ACACB: variants seen among roughly 807,000 people sequenced by gnomAD.
ACACB encodes acetyl-CoA carboxylase beta.
ACACB carries 209 observed loss-of-function variants against 278.8 expected under a neutral mutation model. That is an observed-to-expected ratio of 0.75 (90% CI 0.67 to 0.84). The LOEUF (loss-of-function observed/expected upper bound fraction) is 0.84, where lower values mean the gene tolerates loss of function less well. Ranked by LOEUF, ACACB falls within the 40% of genes least tolerant of loss-of-function variation. ACACB has a pLI of 0.00. For synonymous variants in ACACB, 1,174 were observed against 1,285.6 expected (o/e 0.91, Z 1.86); for missense variants, 2,850 against 3,269.0 (o/e 0.87, Z 3.13).
In ACACB at chr12:109,254,357, TAGGACC is replaced by T; in HGVS notation, c.6166+24_6166+29del. On this transcript the variant is annotated intron_variant, in intron 44 of 52. Transcript: ENST00000338432. ...CAAGTAAGTTCTAAAGTATTTTGCC[TAGGACC>T]TGGTCTCGGGTTTCTTTCTAGGGCT... 6 of 1,599,940 alleles carry T rather than the reference TAGGACC, an allele frequency of 3.8e-6. No homozygotes were observed. In the South Asian group the frequency reaches 6.7e-5, roughly 18 times the overall value.
chr12:109,244,760 C>T (rs2046894400), intron 37 of ACACB, among the ~76,000 whole-genome samples: 1 of 147,454 alleles, frequency 6.8e-6, no homozygotes, highest in Admixed American at 6.6e-5. Context: ...ACCCAGCTGT[C>T]TGTCTGTCTG....
Position 109,233,737 on chromosome 12 carries a change from C to G in ACACB, c.4140-11C>G. Reference sequence around the variant, plus strand: ...AGCCCCTCAGCCCTCCCTCTCTACCCGCACCCCCAGAAATTTTGATGAAGT... The same window carrying G: ...AGCCCCTCAGCCCTCCCTCTCTACCGGCACCCCCAGAAATTTTGATGAAGT... On this transcript the variant is annotated splice_polypyrimidine_tract_variant and intron_variant, in intron 29 of 52. Transcript: ENST00000338432. 1.9e-6 allele frequency: 3 copies of G among 1,612,662 alleles called. No individual in the cohort carries two copies. Among genetic ancestry groups the G allele is most frequent in the Non-Finnish European group, 2.5e-6 (3 of 1,179,076 alleles).
intron 2 of ACACB, among the ~76,000 whole-genome samples, chr12:109,162,514 G>T (rs2043760000): frequency 6.6e-6 from 1 of 152,136 alleles, no homozygotes; most frequent in Non-Finnish European, 1.5e-5. Flanking sequence ...GTCTCCTGCG[G>T]CAGGGGCTGT....
intron 34 of ACACB, among the ~76,000 whole-genome samples, chr12:109,238,466 TATATA>T (rs1480119844): frequency 1.2e-4 from 12 of 101,332 alleles, no homozygotes; most frequent in African/African-American, 3.4e-4. Context: ...CATAATATAA[TATATA>T]ATATGTTATA....
chr12:109,196,364 C>T (rs997824374), intron 16 of ACACB, among the ~76,000 whole-genome samples: 1 of 152,170 alleles, frequency 6.6e-6, no homozygotes, highest in Non-Finnish European at 1.5e-5. Flanking sequence ...TCTCACAATT[C>T]TCTAGGCTGG....
At chr12:109,251,990 T>C in intron 41 of ACACB, 56 bp from the exon 42 acceptor site, 1 of 1,352,012 alleles carries the variant, frequency 7.4e-7, no homozygotes, top group Non-Finnish European at 1.0e-6. Context: ...TTCCCTGCTG[T>C]GGGGGGTGGG....
At chr12:109,170,181 C>T (rs926909043) in intron 4 of ACACB, among the ~76,000 whole-genome samples, 3 of 152,170 alleles carry the variant, frequency 2.0e-5, no homozygotes, top group Non-Finnish European at 4.4e-5. Flanking sequence ...TCTTGTGCCT[C>T]AGCCTCCCAA....
chr12:109,138,580 A>AAT (rs2136016069), intron 1 of ACACB, among the ~76,000 whole-genome samples: 1 of 151,934 alleles, frequency 6.6e-6, no homozygotes, highest in East Asian at 1.9e-4. Flanking sequence ...TAAAAAAAAA[A>AAT]AATAACAGCT....
chr12:109,167,161 A>G (rs779615502), intron 3 of ACACB, 168 bp downstream of exon 3: 264 of 780,996 alleles, frequency 3.4e-4, no homozygotes, highest in Non-Finnish European at 4.6e-4. Flanking sequence ...AATAGAAATA[A>G]TAGTGAAGCC....
intron 22 of ACACB, among the ~76,000 whole-genome samples, chr12:109,215,793 CTAAT>C (rs947454671): frequency 6.6e-6 from 1 of 151,924 alleles, no homozygotes; most frequent in East Asian, 1.9e-4. Context: ...TTTAAATTAA[CTAAT>C]TAATTAATTT....
chr12:109,156,601 TTTTG>T (rs1354792478), intron 2 of ACACB, among the ~76,000 whole-genome samples: 1 of 113,382 alleles, frequency 8.8e-6, no homozygotes, highest in Non-Finnish European at 2.2e-5. Context: ...TTTTTTTTTT[TTTTG>T]GGGGGGGGCT....
At chr12:109,189,423 G>A (rs980983792) in intron 13 of ACACB, among the ~76,000 whole-genome samples, 11 of 152,272 alleles carry the variant, frequency 7.2e-5, no homozygotes, top group East Asian at 1.9e-4. Context: ...AGACCCCTCC[G>A]AGTGAAGTGA....
At chr12:109,260,406 A>G in intron 47 of ACACB, 74 bp from the exon 48 acceptor site, 3 of 1,583,466 alleles carry the variant, frequency 1.9e-6, no homozygotes, top group Admixed American at 3.4e-5. Flanking sequence ...CAGGACCCCC[A>G]GGACAACTAG....
At chr12:109,213,966 C>T (rs1259230403) in intron 22 of ACACB, among the ~76,000 whole-genome samples, 1 of 151,926 alleles carries the variant, frequency 6.6e-6, no homozygotes, top group Non-Finnish European at 1.5e-5. Flanking sequence ...CTTATGAAGA[C>T]AATCAGGGCC....
intron 41 of ACACB, among the ~76,000 whole-genome samples, chr12:109,251,610 G>A (rs184284874): frequency 9.1e-4 from 138 of 152,256 alleles, no homozygotes; most frequent in Non-Finnish European, 6.2e-4. Flanking sequence ...TTACATAACC[G>A]TAGTACATTA....
intron 34 of ACACB, among the ~76,000 whole-genome samples, chr12:109,239,092 T>A (rs1405291024): frequency 2.0e-5 from 3 of 151,838 alleles, no homozygotes; most frequent in Admixed American, 6.6e-5. Context: ...AATTTTTGTA[T>A]TTTTAGTAGA....
intron 3 of ACACB, 144 bp downstream of exon 3, chr12:109,167,137 T>C: frequency 1.0e-6 from 1 of 994,284 alleles, no homozygotes; most frequent in Non-Finnish European, 1.5e-6. Flanking sequence ...TGAGTTTTAA[T>C]AGTTTAACCC....
chr12:109,220,533 G>GTGTTGT (rs113239494), intron 24 of ACACB, among the ~76,000 whole-genome samples: 2 of 151,974 alleles, frequency 1.3e-5, no homozygotes, highest in Non-Finnish European at 2.9e-5. Context: ...AAGAAAAATG[G>GTGTTGT]TGTTGTTGTT....
At chr12:109,235,683 G>C (rs191799543) in intron 33 of ACACB, 36 bp downstream of exon 33, 4 of 1,581,184 alleles carry the variant, frequency 2.5e-6, no homozygotes, top group Non-Finnish European at 3.5e-6. Context: ...CTCTTCTCTA[G>C]CATCTTGTTT....
Sources: allele counts gnomAD v4.1 joint callset (sites outside exome capture counted in the v4.1 genomes callset), GRCh38; gene constraint gnomAD v4.1.1; transcripts MANE v1.5; gene names NCBI Gene and HGNC (gene_info 2026-07-23, HGNC 2026-07-21).